DLGAP1: variants seen among roughly 807,000 people sequenced by gnomAD.
The protein encoded by DLGAP1 is DLG associated protein 1.
Under a neutral mutation model 90.8 loss-of-function variants are expected in DLGAP1, and 11 were observed. The ratio of observed to expected loss-of-function variants is 0.12; its 90% CI spans 0.08 to 0.20. The LOEUF (loss-of-function observed/expected upper bound fraction) is 0.20, where lower values mean the gene tolerates loss of function less well. DLGAP1 is among the 10% of genes least tolerant of loss of function. The pLI, the probability that DLGAP1 is intolerant of heterozygous loss-of-function variation, is 1.00. For missense variants in DLGAP1, 1,050 were observed against 1,333.8 expected (o/e 0.79, Z 3.31); for synonymous variants, 558 against 540.7 (o/e 1.03, Z -0.44).
intron 2 of DLGAP1, among the ~76,000 whole-genome samples, chr18:4,060,690 C>T (rs2075286151): frequency 1.3e-5 from 2 of 152,128 alleles, no homozygotes; most frequent in East Asian, 3.8e-4. Flanking sequence ...TGACTTATCT[C>T]ATTCAAAAGT....
chr18:3,565,736 G>A lies in DLGAP1; in HGVS notation c.2057+1754C>T, dbSNP rs549621848. On this transcript the variant is annotated intron_variant, in intron 9 of 12. Transcript: ENST00000315677. This position sits in a 1 kb window ranked among gnomAD's most constrained non-coding sequence, Gnocchi z 4.0. ...TGTAGTCCCAGCCACTCGGGAGGCT[G>A]AGTCAGGAGAACCGCTTGAACCCAG... Among the ~76,000 whole-genome samples, 32 of 152,086 alleles carry A rather than the reference G, an allele frequency of 2.1e-4. 2 individuals are homozygous for A. The East Asian group carries it at 6.1e-3, about 29-fold the overall frequency.
chr18:3,852,725 T>C (rs1049736239), intron 4 of DLGAP1, among the ~76,000 whole-genome samples: 2 of 152,312 alleles, frequency 1.3e-5, no homozygotes, highest in African/African-American at 4.8e-5. Context: ...TATTTGGAAA[T>C]ACCTTTTCTG....
At chr18:4,147,990 G>A (rs28467477) in intron 2 of DLGAP1, among the ~76,000 whole-genome samples, 58,484 of 152,040 alleles carry the variant, frequency 0.38, 11,496 homozygotes, top group East Asian at 0.69. Context: ...AGGGGTGTCC[G>A]AGGGAGAGAA....
At chr18:3,945,879 T>C (rs1272115150) in intron 3 of DLGAP1, among the ~76,000 whole-genome samples, 3 of 152,228 alleles carry the variant, frequency 2.0e-5, no homozygotes, top group Non-Finnish European at 4.4e-5. Flanking sequence ...CATATAGTTA[T>C]GGGAATAGAT....
intron 2 of DLGAP1, among the ~76,000 whole-genome samples, chr18:4,115,290 T>C (rs1398123130): frequency 6.6e-6 from 1 of 151,904 alleles, no homozygotes; most frequent in Non-Finnish European, 1.5e-5. Flanking sequence ...GAGCTAAATA[T>C]GTTACAAACC....
intron 7 of DLGAP1, among the ~76,000 whole-genome samples, chr18:3,586,620 G>C (rs191463839): frequency 1.3e-5 from 2 of 152,042 alleles, no homozygotes; most frequent in African/African-American, 4.8e-5. Flanking sequence ...CACCATGCCC[G>C]GCTTAAGATT....
At chr18:3,836,274 T>C (rs1048515429) in intron 4 of DLGAP1, among the ~76,000 whole-genome samples, 1 of 152,122 alleles carries the variant, frequency 6.6e-6, no homozygotes, top group African/African-American at 2.4e-5. Flanking sequence ...CTACTCAGAA[T>C]AGTACACCTA....
intron 7 of DLGAP1, among the ~76,000 whole-genome samples, chr18:3,658,018 A>G (rs2059563103): frequency 1.3e-5 from 2 of 152,146 alleles, no homozygotes; most frequent in African/African-American, 4.8e-5. Flanking sequence ...TTTCCCAACA[A>G]ACTTACTATT....
chr18:3,909,943 G>A (rs867220575), intron 3 of DLGAP1, among the ~76,000 whole-genome samples: 3 of 151,794 alleles, frequency 2.0e-5, no homozygotes, highest in Non-Finnish European at 4.4e-5. Context: ...TTAAGTTCAG[G>A]AATCACACAG....
intron 5 of DLGAP1, among the ~76,000 whole-genome samples, chr18:3,766,214 TAAA>T (rs569780680): frequency 6.6e-6 from 1 of 151,854 alleles, no homozygotes; most frequent in African/African-American, 2.4e-5. Context: ...CACTACAAAG[TAAA>T]AAAAGTCAGA....
chr18:3,502,594 C>T lies in DLGAP1; in HGVS notation c.2623G>A (p.Asp875Asn). 6.2e-7 allele frequency: 1 copy of T among 1,614,110 alleles called. No individual in the cohort carries two copies. The highest frequency in any genetic ancestry group is 8.5e-7 in the Non-Finnish European group (1 of 1,180,018). The change falls in exon 12 of 13, where the codon GAC becomes AAC. Residue 875 changes from aspartate (D) to asparagine (N), a missense_variant. Physicochemically the swap from Asp to Asn is conservative, Grantham distance 23. Coordinates refer to ENST00000315677, the MANE Select transcript of DLGAP1 (RefSeq NM_004746.4). ...TTTTCTATGGACAACTGCAGCATGT[C>T]CCAAAACCCCGCCAAATCCTGGGAG... ...PTSQDLAGFWDMLQLSIENIS... is the reference protein window; with the variant it reads ...PTSQDLAGFWNMLQLSIENIS...
intron 1 of DLGAP1, among the ~76,000 whole-genome samples, chr18:4,166,178 A>G (rs1305390497): frequency 1.3e-5 from 2 of 152,102 alleles, no homozygotes. Context: ...CAAATAAACA[A>G]TAACCACAAA....
At chr18:3,561,351 G>C (rs1046019032) in intron 9 of DLGAP1, among the ~76,000 whole-genome samples, 1 of 142,050 alleles carries the variant, frequency 7.0e-6, no homozygotes, top group African/African-American at 2.7e-5. Context: ...CAGGAGTATC[G>C]CTTGAACCTG....
At chr18:4,218,960 T>C (rs1441878969) in intron 1 of DLGAP1, among the ~76,000 whole-genome samples, 1 of 151,742 alleles carries the variant, frequency 6.6e-6, no homozygotes, top group Non-Finnish European at 1.5e-5. Context: ...CTCTTTGATA[T>C]ATTTATTTCA....
chr18:4,369,310 T>TA (rs1250854827), intron 1 of DLGAP1, among the ~76,000 whole-genome samples: 1 of 152,186 alleles, frequency 6.6e-6, no homozygotes, highest in Admixed American at 6.5e-5. Context: ...TGTGTGTGTA[T>TA]TTCAGTGAAA....
chr18:4,249,447 CAAAA>C (rs11301773), intron 1 of DLGAP1, among the ~76,000 whole-genome samples: 317 of 101,586 alleles, frequency 3.1e-3, no homozygotes, highest in African/African-American at 0.01. Flanking sequence ...AATGTTCTGG[CAAAA>C]AAAAAAAAAA....
chr18:4,453,574 A>G (rs1276941705), intron 1 of DLGAP1, among the ~76,000 whole-genome samples: 1 of 152,138 alleles, frequency 6.6e-6, no homozygotes, highest in East Asian at 1.9e-4. Context: ...AGGGTAAAAA[A>G]TAATTTGCAG....
At chr18:4,235,238 C>A (rs1444910467) in intron 1 of DLGAP1, among the ~76,000 whole-genome samples, 2 of 152,132 alleles carry the variant, frequency 1.3e-5, no homozygotes, top group Non-Finnish European at 2.9e-5. Flanking sequence ...ATAGTGGACA[C>A]CCATTAACCA....
intron 3 of DLGAP1, among the ~76,000 whole-genome samples, chr18:3,964,105 G>C (rs2073269082): frequency 6.6e-6 from 1 of 152,184 alleles, no homozygotes; most frequent in Admixed American, 6.5e-5. Context: ...AGTGGGTTAA[G>C]ATGATGAGCT....
Sources: allele counts gnomAD v4.1 joint callset (sites outside exome capture counted in the v4.1 genomes callset), GRCh38; gene constraint gnomAD v4.1.1; non-coding constraint Gnocchi (gnomAD v3.1); transcripts MANE v1.5; gene names NCBI Gene and HGNC (gene_info 2026-07-23, HGNC 2026-07-21).